The following PITPNC1 variants were observed in gnomAD, a reference collection of about 807,000 sequenced individuals.
PITPNC1 encodes the protein cytoplasmic phosphatidylinositol transfer protein 1.
In PITPNC1, 18 loss-of-function variants were observed where a neutral mutation model predicts 44.7. The ratio of observed to expected loss-of-function variants is 0.40; its 90% CI spans 0.28 to 0.60. The LOEUF is 0.60. PITPNC1 is among the 20% of genes least tolerant of loss of function. The pLI is 0.39. For missense variants in PITPNC1, 290 were observed against 418.4 expected, an observed-to-expected ratio of 0.69 and a Z score of 2.68; for synonymous variants, 141 against 149.6, an observed-to-expected ratio of 0.94 and a Z score of 0.42.
chr17:67,573,159 C>G (rs921126859), intron 4 of PITPNC1, among the ~76,000 whole-genome samples: 11 of 152,266 alleles, frequency 7.2e-5, no homozygotes, highest in Admixed American at 5.9e-4. Flanking sequence ...CTGGACCTTT[C>G]AAGTTTGATG....
chr17:67,653,127 C>CA lies in PITPNC1; in HGVS notation c.463-16376dup, dbSNP rs1310311797. On this transcript the variant is annotated intron_variant, in intron 6 of 8. Transcript: ENST00000581322. Reference sequence around the variant, plus strand: ...TGAAACCCCATCTCTACTAAAAATACAAAAATTAGCCAGGAGTGGTGGTGG... The same window carrying CA: ...TGAAACCCCATCTCTACTAAAAATACAAAAAATTAGCCAGGAGTGGTGGTGG... Among the ~76,000 whole-genome samples, 3 of 152,128 alleles carry CA rather than the reference C, an allele frequency of 2.0e-5. No individual in the cohort carries two copies. The East Asian group carries it at 5.8e-4, about 29-fold the overall frequency.
At chr17:67,684,248 G>A (rs1485358075) in intron 8 of PITPNC1, among the ~76,000 whole-genome samples, 4 of 151,520 alleles carry the variant, frequency 2.6e-5, no homozygotes, top group African/African-American at 9.7e-5. Flanking sequence ...AGTAGCTGGG[G>A]GTTACGGGTG....
intron 4 of PITPNC1, among the ~76,000 whole-genome samples, chr17:67,560,694 T>C (rs1473668714): frequency 6.6e-6 from 1 of 152,238 alleles, no homozygotes; most frequent in African/African-American, 2.4e-5. Flanking sequence ...CAGCCAGTTT[T>C]GTTTGTTCAG....
At chr17:67,530,836 T>G (rs1314661483) in intron 1 of PITPNC1, among the ~76,000 whole-genome samples, 2 of 152,186 alleles carry the variant, frequency 1.3e-5, no homozygotes, top group African/African-American at 4.8e-5. Flanking sequence ...ATGTGTAAAC[T>G]TTTTCTTATT....
At chr17:67,471,809 C>T (rs1039180614) in intron 1 of PITPNC1, among the ~76,000 whole-genome samples, 13 of 151,906 alleles carry the variant, frequency 8.6e-5, no homozygotes, top group Middle Eastern at 3.2e-3. Context: ...ACTAAACTCC[C>T]GACTTTCTTC....
chr17:67,389,641 G>T (rs1382141546), intron 1 of PITPNC1, among the ~76,000 whole-genome samples: 1 of 152,104 alleles, frequency 6.6e-6, no homozygotes, highest in South Asian at 2.1e-4. Flanking sequence ...GGTATGTAAA[G>T]TACATCTCAG....
intron 6 of PITPNC1, among the ~76,000 whole-genome samples, chr17:67,639,864 A>G (rs1020744263): frequency 1.3e-5 from 2 of 152,228 alleles, no homozygotes; most frequent in Non-Finnish European, 2.9e-5. Context: ...AGAGAGATCA[A>G]CTAAGTAAAT....
chr17:67,406,345 G>A (rs9910427), intron 1 of PITPNC1, among the ~76,000 whole-genome samples: 76,729 of 151,794 alleles, frequency 0.51, 20,328 homozygotes, highest in African/African-American at 0.67. Flanking sequence ...AAGAAACCTC[G>A]TATCCATTGG....
chr17:67,599,012 ATATATATATATATATATATATATTT>A lies in PITPNC1; in HGVS notation c.366+20757_366+20781del, dbSNP rs981902961. Among the ~76,000 whole-genome samples, 19 of 18,966 alleles carry A rather than the reference ATATATATATATATATATATATATTT, an allele frequency of 1.0e-3. 1 individual carries two copies. Among genetic ancestry groups the A allele is most frequent in the Non-Finnish European group, 2.4e-3 (14 of 5,924 alleles). 12.4% of individuals were successfully genotyped at this position (18,966 alleles called of 152,430 possible). ...AACTATAAGAAATACATATATATAT[ATATATATATATATATATATATATTT>A]TTTTTTTTTTTTTTTTTACCATGTT... On this transcript the variant is annotated intron_variant, in intron 5 of 8. Coordinates refer to ENST00000581322, the MANE Select transcript of PITPNC1 (RefSeq NM_012417.4).
At chr17:67,578,627 A>G (rs752280245) in intron 5 of PITPNC1, among the ~76,000 whole-genome samples, 5 of 152,218 alleles carry the variant, frequency 3.3e-5, no homozygotes, top group Admixed American at 6.5e-5. Flanking sequence ...CGGAAAGGGA[A>G]TACAATCAAA....
chr17:67,539,561 C>T (rs28433784), intron 2 of PITPNC1, among the ~76,000 whole-genome samples: 3 of 152,148 alleles, frequency 2.0e-5, no homozygotes, highest in East Asian at 1.9e-4. Context: ...AAACAAGTCC[C>T]GGCACGATGG....
chr17:67,544,440 G>A (rs1486997427), intron 2 of PITPNC1, among the ~76,000 whole-genome samples: 1 of 152,224 alleles, frequency 6.6e-6, no homozygotes, highest in Non-Finnish European at 1.5e-5. Context: ...GAGAAAAGAT[G>A]GAGGCTATTT....
intron 2 of PITPNC1, among the ~76,000 whole-genome samples, chr17:67,551,305 T>C (rs1445756531): frequency 1.3e-5 from 2 of 152,190 alleles, no homozygotes; most frequent in African/African-American, 4.8e-5. Context: ...TGTCATTTTA[T>C]TGGCTTTCTA....
chr17:67,430,486 T>TCAAAAA (rs755666258), intron 1 of PITPNC1, among the ~76,000 whole-genome samples: 1 of 150,930 alleles, frequency 6.6e-6, no homozygotes, highest in Non-Finnish European at 1.5e-5. Flanking sequence ...AGACTCTGTC[T>TCAAAAA]CAAAAACAAA....
chr17:67,378,010 G>A lies in PITPNC1; in HGVS notation c.-145G>A. On this transcript the variant is annotated 5_prime_UTR_variant, in exon 1 of 9. Transcript: ENST00000581322. Reference sequence around the variant, plus strand: ...TCTGGGGCGGAGAGGAGGAAGCCAGGAGCTGAGCGCGCCGCGGGGGCTGCT... The same window carrying A: ...TCTGGGGCGGAGAGGAGGAAGCCAGAAGCTGAGCGCGCCGCGGGGGCTGCT... The A allele has an allele frequency of 8.6e-6, 4 of 463,948 alleles. No individual in the cohort carries two copies. Among genetic ancestry groups the A allele is most frequent in the Non-Finnish European group, 1.5e-5 (4 of 268,936 alleles). 28.7% of individuals were successfully genotyped at this position (463,948 alleles called of 1,614,324 possible). A position where few individuals can be genotyped will look rare whatever the true frequency, so the allele number is the denominator to read the frequency against.
At chr17:67,544,206 C>T (rs572776246) in intron 2 of PITPNC1, among the ~76,000 whole-genome samples, 22 of 152,300 alleles carry the variant, frequency 1.4e-4, no homozygotes, top group South Asian at 6.2e-4. Context: ...TGCCTTGACA[C>T]GTCTTCAAAA....
chr17:67,424,883 G>A (rs2143874665), intron 1 of PITPNC1, among the ~76,000 whole-genome samples: 1 of 152,010 alleles, frequency 6.6e-6, no homozygotes, highest in South Asian at 2.1e-4. Flanking sequence ...TGAAGCAACT[G>A]AAGATCCACA....
At chr17:67,445,744 C>T (rs2039084291) in intron 1 of PITPNC1, among the ~76,000 whole-genome samples, 1 of 151,940 alleles carries the variant, frequency 6.6e-6, no homozygotes, top group Non-Finnish European at 1.5e-5. Context: ...AATAACAGAG[C>T]GAAACTTTGT....
At chr17:67,650,679 G>T (rs1323147536) in intron 6 of PITPNC1, among the ~76,000 whole-genome samples, 1 of 152,054 alleles carries the variant, frequency 6.6e-6, no homozygotes, top group Non-Finnish European at 1.5e-5. Context: ...TCCAACTCCT[G>T]ACCTCAAAAG....
Sources: allele counts gnomAD v4.1 joint callset (sites outside exome capture counted in the v4.1 genomes callset), GRCh38; gene constraint gnomAD v4.1.1; transcripts MANE v1.5; gene names NCBI Gene and HGNC (gene_info 2026-07-23, HGNC 2026-07-21).